Variants in ASPH observed in about 807,000 individuals in gnomAD.
ASPH encodes aspartyl/asparaginyl beta-hydroxylase.
ASPH carries 100 observed loss-of-function variants against 118.4 expected under a neutral mutation model. That is an observed-to-expected ratio of 0.84 (90% confidence interval 0.72 to 1.00). The LOEUF is 1.00. Ranked by LOEUF, ASPH falls within the 50% of genes least tolerant of loss-of-function variation. ASPH has a pLI of 0.00. For synonymous variants in ASPH, 315 were observed against 325.6 expected (o/e 0.97, Z 0.35); for missense variants, 920 against 919.5 (o/e 1.00, Z -0.01).
intron 1 of ASPH, among the ~76,000 whole-genome samples, chr8:61,706,404 C>CAAAAAAAAA (rs55731088): frequency 2.8e-4 from 20 of 70,556 alleles, no homozygotes; most frequent in Non-Finnish European, 4.2e-4. Flanking sequence ...GGTCATGACT[C>CAAAAAAAAA]AAAAAAAAAA....
intron 22 of ASPH, among the ~76,000 whole-genome samples, chr8:61,520,889 G>T (rs1478561654): frequency 1.3e-5 from 2 of 152,230 alleles, no homozygotes; most frequent in African/African-American, 2.4e-5. Context: ...TAACCAAATG[G>T]GTTGTGTCCC....
chr8:61,502,830 G>C lies in ASPH; in HGVS notation c.*529C>G, dbSNP rs901292858. The C allele has an allele frequency of 1.3e-5, 2 of 152,092 alleles. No homozygotes were observed. Among genetic ancestry groups the C allele is most frequent in the South Asian group, 2.1e-4 (1 of 4,822 alleles). The allele number at this position is 152,092 out of a possible 1,614,324, so 9.4% of individuals were successfully genotyped here. The stretch of plus-strand genomic sequence containing the variant: ...TTTTTTCATGAGTATCTTTTACTAA[G>C]AAGAATTAAAAGAGGGAAGTCTGAG... On this transcript the variant is annotated 3_prime_UTR_variant, in exon 25 of 25. Transcript: ENST00000379454.
At chr8:61,633,337 T>C (rs983055967) in intron 13 of ASPH, 1 of 178,836 alleles carries the variant, frequency 5.6e-6, no homozygotes, top group African/African-American at 2.4e-5. Context: ...TCAACTTTCA[T>C]CCCAAGGCAA....
rs535043002 is a variant in ASPH at position 61,526,073 on chromosome 8, G to A, written c.1804C>T (p.Leu602Phe). 6.2e-7 allele frequency: 1 copy of A among 1,614,016 alleles called. No homozygotes were observed. Among genetic ancestry groups the A allele is most frequent in the South Asian group, 1.1e-5 (1 of 91,072 alleles). Residue 602 changes from leucine (L) to phenylalanine (F), a missense_variant, in exon 22 of 25, where the codon CTT becomes TTT. Physicochemically the swap from Leu to Phe is conservative, Grantham distance 22. Coordinates refer to ENST00000379454, the MANE Select transcript of ASPH (RefSeq NM_004318.4). Reference sequence around the variant, plus strand: ...CCTTTGGCTTTATCCATCACTGCAAGGCCTTCATCTCGGATTAACTTCCAG... The same window carrying A: ...CCTTTGGCTTTATCCATCACTGCAAAGCCTTCATCTCGGATTAACTTCCAG... Reference protein sequence around the residue: ...RNWKLIRDEGLAVMDKAKGLF... With the variant: ...RNWKLIRDEGFAVMDKAKGLF...
chr8:61,683,951 A>G, intron 2 of ASPH, 88 bp downstream of exon 2: 1 of 1,451,582 alleles, frequency 6.9e-7, no homozygotes, highest in Non-Finnish European at 9.4e-7. Flanking sequence ...AATTACCAGT[A>G]CCAGAAAGAT....
chr8:61,574,339 C>G (rs1300630803), intron 16 of ASPH, among the ~76,000 whole-genome samples: 1 of 152,190 alleles, frequency 6.6e-6, no homozygotes, highest in Non-Finnish European at 1.5e-5. Flanking sequence ...CCAGCAATCC[C>G]ATTACTGGGT....
intron 13 of ASPH, among the ~76,000 whole-genome samples, chr8:61,619,554 A>G (rs2150505654): frequency 6.6e-6 from 1 of 152,300 alleles, no homozygotes; most frequent in East Asian, 1.9e-4. Flanking sequence ...GAAGCCAGAG[A>G]TGAACCCAAG....
At chr8:61,622,792 A>G (rs750681901) in intron 13 of ASPH, among the ~76,000 whole-genome samples, 4 of 152,194 alleles carry the variant, frequency 2.6e-5, no homozygotes, top group Non-Finnish European at 4.4e-5. Context: ...GCTCACTTGC[A>G]GGCAGAAGTA....
intron 1 of ASPH, among the ~76,000 whole-genome samples, chr8:61,698,342 T>C (rs1401741058): frequency 6.6e-6 from 1 of 152,210 alleles, no homozygotes; most frequent in African/African-American, 2.4e-5. Flanking sequence ...TAGGTTACAG[T>C]CTGTTTATTC....
Position 61,638,365 on chromosome 8 carries a change from T to TAA in ASPH, c.791-4_791-3dup, listed in dbSNP as rs34108497. ...CATTTTCTAGAGGTTCATATACTGC[T>TAA]AAAAAAAAAAAAACAGAAACAAAAT... On this transcript the variant is annotated splice_region_variant and splice_polypyrimidine_tract_variant and intron_variant, in intron 10 of 24. Transcript: ENST00000379454. The TAA allele has an allele frequency of 0.013, 17,498 of 1,318,700 alleles. No homozygotes were observed. The highest frequency in any genetic ancestry group is 0.033 in the South Asian group (2,405 of 73,756). 81.7% of individuals were successfully genotyped at this position (1,318,700 alleles called of 1,614,324 possible).
rs1407019746 is a variant in ASPH, at chr8:61,503,043, A to G, written c.*316T>C. ...GTTTCTACATATGTTCTCATTATAC[A>G]TTGAATTAGACCTATTCTATGTGGA... On this transcript the variant is annotated 3_prime_UTR_variant, in exon 25 of 25. Transcript: ENST00000379454. The G allele has an allele frequency of 1.9e-5, 4 of 211,806 alleles. No homozygotes were observed. The highest frequency in any genetic ancestry group is 9.1e-5 in the African/African-American group (4 of 43,948). 13.1% of individuals were successfully genotyped at this position (211,806 alleles called of 1,614,324 possible).
At chr8:61,648,799 T>A (rs1383776674) in intron 5 of ASPH, among the ~76,000 whole-genome samples, 1 of 152,196 alleles carries the variant, frequency 6.6e-6, no homozygotes. Context: ...CTTGAAAAAC[T>A]GTGCTAAAGC....
intron 14 of ASPH, among the ~76,000 whole-genome samples, chr8:61,615,038 G>A (rs568326746): frequency 1.3e-5 from 2 of 152,176 alleles, no homozygotes; most frequent in East Asian, 3.9e-4. Flanking sequence ...TCCATCTTCT[G>A]CCCAGAATCT....
chr8:61,522,950 C>T (rs142103427), intron 22 of ASPH, among the ~76,000 whole-genome samples: 240 of 152,218 alleles, frequency 1.6e-3, no homozygotes, highest in African/African-American at 5.5e-3. Flanking sequence ...GGGGTTAGGG[C>T]TTCAACATAT....
At chr8:61,686,835 A>G (rs1830730755) in intron 1 of ASPH, among the ~76,000 whole-genome samples, 2 of 152,162 alleles carry the variant, frequency 1.3e-5, no homozygotes. Context: ...TCTGTAGCTG[A>G]TACCAGTCTC....
intron 9 of ASPH, 47 bp from the exon 10 acceptor site, chr8:61,642,967 A>G: frequency 6.7e-7 from 1 of 1,482,222 alleles, no homozygotes; most frequent in Non-Finnish European, 9.1e-7. Flanking sequence ...TAACTGAGTC[A>G]TTCTATACAA....
At chr8:61,702,397 G>T (rs1835464762) in intron 1 of ASPH, among the ~76,000 whole-genome samples, 1 of 147,940 alleles carries the variant, frequency 6.8e-6, no homozygotes, top group African/African-American at 2.5e-5. Flanking sequence ...CCATTCTCCT[G>T]CCTCAACCTC....
chr8:61,524,752 C>A (rs1328687023), intron 22 of ASPH, among the ~76,000 whole-genome samples: 1 of 145,668 alleles, frequency 6.9e-6, no homozygotes, highest in African/African-American at 2.5e-5. Flanking sequence ...TTATCAAATA[C>A]TTTTTTTTTT....
intron 19 of ASPH, among the ~76,000 whole-genome samples, chr8:61,554,886 A>C (rs1037278565): frequency 6.6e-6 from 1 of 151,956 alleles, no homozygotes; most frequent in Non-Finnish European, 1.5e-5. Context: ...TGATTTTTAG[A>C]ATTTTCTGTA....
Sources: gnomAD v4.1 joint callset for allele counts (sites outside exome capture counted in the v4.1 genomes callset) on GRCh38, gnomAD v4.1.1 for gene constraint, MANE v1.5 for transcripts, NCBI Gene and HGNC (gene_info 2026-07-23, HGNC 2026-07-21) for gene names.